TRIP12: variants seen among roughly 807,000 people sequenced by gnomAD.
The protein encoded by TRIP12 is thyroid hormone receptor interactor 12.
In TRIP12, 25 loss-of-function variants were observed where a neutral mutation model predicts 244.2. That is an observed-to-expected ratio of 0.10 (90% CI 0.07 to 0.14). TRIP12 has a LOEUF of 0.14. TRIP12 is among the 10% of genes least tolerant of loss of function. The pLI, the probability that TRIP12 is intolerant of heterozygous loss-of-function variation, is 1.00. For synonymous variants in TRIP12, 905 were observed against 873.1 expected, an observed-to-expected ratio of 1.04 and a Z score of -0.64; for missense variants, 1,677 against 2,486.4, an observed-to-expected ratio of 0.67 and a Z score of 6.92.
intron 38 of TRIP12, chr2:229,773,563 T>C (rs1225693384): frequency 2.0e-5 from 3 of 152,486 alleles, no homozygotes; most frequent in African/African-American, 7.2e-5. Flanking sequence ...TTGCATTTTT[T>C]TGTAGAGACA....
At chr2:229,868,196 T>TA (rs1461070422) in intron 2 of TRIP12, among the ~76,000 whole-genome samples, 1 of 152,212 alleles carries the variant, frequency 6.6e-6, no homozygotes, top group Non-Finnish European at 1.5e-5. Context: ...CTAGAATACT[T>TA]ACTTTCATTC....
At chr2:229,869,360 A>G (rs2062116927) in intron 2 of TRIP12, among the ~76,000 whole-genome samples, 2 of 152,178 alleles carry the variant, frequency 1.3e-5, no homozygotes, top group Non-Finnish European at 2.9e-5. Context: ...AATTAACACA[A>G]TACACGCAAC....
intron 4 of TRIP12, among the ~76,000 whole-genome samples, chr2:229,847,782 T>C (rs1296735421): frequency 3.3e-5 from 5 of 152,182 alleles, no homozygotes; most frequent in Non-Finnish European, 7.3e-5. Context: ...TCAGATCCTC[T>C]CCCACACTTG....
rs771588074 is a variant in TRIP12 at position 229,774,240 on chromosome 2, C to T, written c.5551G>A (p.Ala1851Thr). Residue 1851 changes from alanine (A) to threonine (T), a missense_variant, in exon 38 of 42, where the codon GCA (alanine) becomes ACA (threonine). Transcript: ENST00000675903. The stretch of plus-strand genomic sequence containing the variant: ...CCATTCATAGTCAAGGTTTCTAATG[C>T]ATACTGTAGACTCTCTTTGGTCTAA... Reference protein sequence around the residue: ...KSQTKESLQYALETLTMNGCS... With the variant: ...KSQTKESLQYTLETLTMNGCS... 15 of 1,613,842 alleles carry T rather than the reference C, an allele frequency of 9.3e-6. No individual in the cohort carries two copies.
chr2:229,804,113 C>G lies in TRIP12; in HGVS notation c.2765G>C (p.Ser922Thr). 1 of 1,614,152 alleles carries G rather than the reference C, an allele frequency of 6.2e-7. No homozygotes were observed. Among genetic ancestry groups the G allele is most frequent in the Non-Finnish European group, 8.5e-7 (1 of 1,180,006 alleles). ...TCTGACCGCAGGTCCTGCTGAGGAA[C>G]TATACACTTCATAAAGAACACCAAA... is the stretch of plus-strand genomic sequence containing the variant. ...TLFGVLYEVY[S>T]SSAGPAVRHK... The change falls in exon 19 of 42, where the codon AGT becomes ACT. Residue 922 changes from serine to threonine, a missense_variant. Around this residue, in one of 11 missense-constraint regions of TRIP12, gnomAD observed 572 missense variants for 867.8 expected, o/e 0.66. Coordinates refer to ENST00000675903, the MANE Select transcript of TRIP12 (RefSeq NM_001348323.3).
chr2:229,778,769 A>C lies in TRIP12; in HGVS notation c.5209+107T>G, dbSNP rs967001508. On this transcript the variant is annotated intron_variant, in intron 35 of 41. Coordinates refer to ENST00000675903, the MANE Select transcript of TRIP12 (RefSeq NM_001348323.3). The surrounding 1 kb of genome is among the most constrained non-coding windows in gnomAD (Gnocchi z 4.1). ...TAAATGAGAAAACAGAGGCTAAAAGAAAGCAAGTACAGCTGTCCATTAGAA... is the reference window on the plus strand; with the variant it reads ...TAAATGAGAAAACAGAGGCTAAAAGCAAGCAAGTACAGCTGTCCATTAGAA... 42 of 1,354,680 alleles carry C rather than the reference A, an allele frequency of 3.1e-5. No individual in the cohort carries two copies. The highest frequency in any genetic ancestry group is 4.3e-5 in the Non-Finnish European group (42 of 975,806). 83.9% of individuals were successfully genotyped at this position (1,354,680 alleles called of 1,614,324 possible).
At chr2:229,882,628 A>G (rs1467455951) in intron 1 of TRIP12, among the ~76,000 whole-genome samples, 2 of 152,218 alleles carry the variant, frequency 1.3e-5, no homozygotes, top group Non-Finnish European at 2.9e-5. Context: ...AACAGCAAGG[A>G]CAGATACAAG....
At chr2:229,884,035 CA>C (rs1281838666) in intron 1 of TRIP12, among the ~76,000 whole-genome samples, 1 of 151,374 alleles carries the variant, frequency 6.6e-6, no homozygotes, top group Non-Finnish European at 1.5e-5. Flanking sequence ...CGCTTGAACT[CA>C]GGGGGCAGAG....
Position 229,892,239 on chromosome 2 carries a change from T to A in TRIP12, c.-49-12111A>T, listed in dbSNP as rs2067541030. On this transcript the variant is annotated intron_variant, in intron 1 of 41. Transcript: ENST00000675903. ...GAGGAAGGAAAAAGCTACTTTGGGT[T>A]GAATCATCAGGTAACAGCTCTCTGA... Among the ~76,000 whole-genome samples, 3 of 152,320 alleles carry A rather than the reference T, an allele frequency of 2.0e-5. No homozygotes were observed. In the South Asian group the frequency reaches 6.2e-4, roughly 32 times the overall value.
At chr2:229,873,827 G>C (rs2063120039) in intron 2 of TRIP12, among the ~76,000 whole-genome samples, 1 of 151,994 alleles carries the variant, frequency 6.6e-6, no homozygotes, top group Non-Finnish European at 1.5e-5. Context: ...TTAAAACTTT[G>C]CAGGCAAATT....
chr2:229,803,815 T>C, intron 19 of TRIP12, 126 bp from the exon 20 acceptor site: 1 of 877,704 alleles, frequency 1.1e-6, no homozygotes, highest in Non-Finnish European at 1.7e-6. Context: ...TAAACATTTT[T>C]CTTAAATGCT....
chr2:229,781,349 A>C (rs537214191), intron 34 of TRIP12, among the ~76,000 whole-genome samples: 1 of 152,372 alleles, frequency 6.6e-6, no homozygotes, highest in Admixed American at 6.5e-5. Flanking sequence ...TTTTTCTCTC[A>C]AAACTAACAC....
intron 25 of TRIP12, among the ~76,000 whole-genome samples, chr2:229,796,348 CAAAA>C (rs1468752181): frequency 6.6e-6 from 1 of 151,942 alleles, no homozygotes; most frequent in African/African-American, 2.4e-5. Context: ...ATCCTGCAAG[CAAAA>C]AAGACTCAAG....
chr2:229,799,410 T>C, intron 21 of TRIP12, 27 bp from the exon 22 acceptor site: 1 of 1,586,276 alleles, frequency 6.3e-7, no homozygotes, highest in Non-Finnish European at 8.7e-7. Context: ...ATGAGATAAG[T>C]TTAGCAATTA....
intron 1 of TRIP12, chr2:229,894,314 T>A (rs1043576067): frequency 6.6e-6 from 1 of 152,168 alleles, no homozygotes; most frequent in Admixed American, 6.6e-5. Context: ...GAATCTAATA[T>A]CATTTCAAGC....
At chr2:229,903,866 C>CAAAAA (rs869205971) in intron 1 of TRIP12, among the ~76,000 whole-genome samples, 1 of 62,562 alleles carries the variant, frequency 1.6e-5, no homozygotes, top group African/African-American at 6.5e-5. Flanking sequence ...ACCAAAAATA[C>CAAAAA]AAAAAAAAAA....
chr2:229,883,981 C>T (rs1034759073), intron 1 of TRIP12, among the ~76,000 whole-genome samples: 1 of 151,764 alleles, frequency 6.6e-6, no homozygotes, highest in South Asian at 2.1e-4. Context: ...TGGTAGTGCG[C>T]ACCTGTAAAA....
chr2:229,830,576 C>T (rs1235515887), intron 7 of TRIP12, among the ~76,000 whole-genome samples, 180 bp downstream of exon 7: 6 of 151,974 alleles, frequency 3.9e-5, no homozygotes, highest in Non-Finnish European at 2.9e-5. Flanking sequence ...CACGAAGAGG[C>T]GGACAGCTCA....
At chr2:229,823,900 C>T (rs1451972217) in intron 8 of TRIP12, among the ~76,000 whole-genome samples, 1 of 151,300 alleles carries the variant, frequency 6.6e-6, no homozygotes, top group Non-Finnish European at 1.5e-5. Context: ...TAGTCTGACA[C>T]TATGTTAAAA....
Sources: gnomAD v4.1 joint callset for allele counts (sites outside exome capture counted in the v4.1 genomes callset) on GRCh38, gnomAD v4.1.1 for gene constraint, gnomAD v4.1.1 regional missense constraint, Gnocchi (gnomAD v3.1) non-coding constraint, MANE v1.5 for transcripts, NCBI Gene and HGNC (gene_info 2026-07-23, HGNC 2026-07-21) for gene names.